Variants in KLHL13 observed in about 807,000 individuals in gnomAD.
KLHL13 encodes the protein kelch like family member 13.
KLHL13 carries 10 observed loss-of-function variants against 37.1 expected under a neutral mutation model. That is an observed-to-expected ratio of 0.27 (90% CI 0.17 to 0.46). The LOEUF (loss-of-function observed/expected upper bound fraction) is 0.46, where lower values mean the gene tolerates loss of function less well. KLHL13 is among the 20% of genes least tolerant of loss of function. KLHL13 has a pLI of 1.00. For synonymous variants in KLHL13, 163 were observed against 181.2 expected (o/e 0.90, Z 0.81); for missense variants, 360 against 509.3 (o/e 0.71, Z 2.82).
intron 1 of KLHL13, among the ~76,000 whole-genome samples, chrX:118,008,308 A>G (rs1170676257): frequency 8.9e-6 from 1 of 112,253 alleles, no homozygotes; most frequent in Admixed American, 9.5e-5. Context: ...ATCAACTTCC[A>G]GGCTTCCAAC....
At chrX:117,971,825 A>G (rs1259932540) in intron 1 of KLHL13, among the ~76,000 whole-genome samples, 3 of 111,683 alleles carry the variant, frequency 2.7e-5, no homozygotes, top group Non-Finnish European at 5.6e-5. Flanking sequence ...AGTTTTCCAC[A>G]TTTTTCCTAC....
chrX:118,010,226 C>A (rs1463453691), intron 1 of KLHL13, among the ~76,000 whole-genome samples: 6 of 87,392 alleles, frequency 6.9e-5, no homozygotes, highest in Non-Finnish European at 8.9e-5. Flanking sequence ...TTGACCCAGC[C>A]ATCCCATTAC....
At chrX:117,928,551 A>T (rs1932214057) in intron 2 of KLHL13, among the ~76,000 whole-genome samples, 1 of 112,166 alleles carries the variant, frequency 8.9e-6, no homozygotes, top group African/African-American at 3.2e-5. Context: ...TCAAAAATAG[A>T]AAAATCTCTG....
chrX:118,056,681 T>C (rs987358356), intron 1 of KLHL13, among the ~76,000 whole-genome samples: 6 of 111,846 alleles, frequency 5.4e-5, no homozygotes, highest in African/African-American at 1.9e-4. Context: ...GATACATTTA[T>C]TCAGGTAGTT....
chrX:118,001,759 G>A (rs1198590772), intron 1 of KLHL13, among the ~76,000 whole-genome samples: 1 of 109,584 alleles, frequency 9.1e-6, no homozygotes, highest in Non-Finnish European at 1.9e-5. Flanking sequence ...CAGCTACTCA[G>A]GAGGCTGAAG....
At position 118,099,661 on chromosome X, in the gene KLHL13, A is replaced by T. The variant is rs188755591; in HGVS notation, c.-56+16847T>A. Among the ~76,000 whole-genome samples the T allele has an allele frequency of 2.0e-3, 224 of 110,119 alleles. 1 individual carries two copies. The highest frequency in any genetic ancestry group is 3.3e-3 in the Non-Finnish European group (172 of 52,778). On this transcript the variant is annotated intron_variant, in intron 1 of 6. Coordinates refer to the KLHL13 transcript ENST00000371882. ...ACACCTCGTCTCTAATAAAAATTTT[A>T]AAAAAAATTAGCTGGGCATGGTGGC...
At chrX:118,104,163 A>G (rs762154037) in intron 1 of KLHL13, among the ~76,000 whole-genome samples, 1 of 109,915 alleles carries the variant, frequency 9.1e-6, no homozygotes, top group South Asian at 4.0e-4. Context: ...TCAAGGCTAC[A>G]GTAAGCTGTG....
chrX:118,086,823 T>A (rs1223694304), intron 1 of KLHL13, among the ~76,000 whole-genome samples: 1 of 111,326 alleles, frequency 9.0e-6, no homozygotes, highest in African/African-American at 3.3e-5. Flanking sequence ...CTTTATAATT[T>A]AAAAAAATAG....
At chrX:118,045,774 T>C (rs1436021005) in intron 1 of KLHL13, among the ~76,000 whole-genome samples, 2 of 111,187 alleles carry the variant, frequency 1.8e-5, no homozygotes, top group African/African-American at 6.5e-5. Context: ...GCCACTGCAC[T>C]CCAGCTTGGG....
intron 1 of KLHL13, among the ~76,000 whole-genome samples, chrX:118,007,370 C>CA (rs57382655): frequency 0.18 from 8,455 of 46,129 alleles, 868 homozygotes; most frequent in East Asian, 0.49. Flanking sequence ...GAGACCCTGT[C>CA]AAAAAAAAAA....
intron 4 of KLHL13, among the ~76,000 whole-genome samples, chrX:117,915,417 C>T: frequency 9.0e-6 from 1 of 111,110 alleles, no homozygotes; most frequent in East Asian, 2.8e-4. Context: ...TCTTCATCAC[C>T]TCCAGTCACC....
At chrX:118,090,071 ACT>A (rs1291398028) in intron 1 of KLHL13, among the ~76,000 whole-genome samples, 1 of 62,847 alleles carries the variant, frequency 1.6e-5, no homozygotes, top group Non-Finnish European at 3.0e-5. Context: ...ACAGAGCAAG[ACT>A]CTGTCTCAAA....
At chrX:118,005,285 G>A (rs1176068099) in intron 1 of KLHL13, among the ~76,000 whole-genome samples, 2 of 111,352 alleles carry the variant, frequency 1.8e-5, no homozygotes, top group African/African-American at 3.3e-5. Context: ...TGCATGGAGG[G>A]CACTGGGACA....
chrX:118,079,833 A>C (rs1194847826), intron 1 of KLHL13, among the ~76,000 whole-genome samples: 1 of 111,782 alleles, frequency 8.9e-6, no homozygotes, highest in Non-Finnish European at 1.9e-5. Context: ...CAAATAGCCA[A>C]GGCAAAAAGA....
intron 1 of KLHL13, among the ~76,000 whole-genome samples, chrX:118,094,901 G>A (rs1246952383): frequency 4.5e-5 from 5 of 111,475 alleles, no homozygotes; most frequent in Non-Finnish European, 3.8e-5. Context: ...CACTAAACAT[G>A]GAAAGGAACA....
rs189398082 is a variant in KLHL13 at position 117,979,959 on chromosome X, T to C, written c.-55-34384A>G. ...GCTATTGTTAGCTTTTCTGATTGAA[T>C]CTGTGAACTTATCAAAATAAAAAGC... On this transcript the variant is annotated intron_variant, in intron 1 of 6. Transcript: ENST00000371882. Among the ~76,000 whole-genome samples, 14 of 112,255 alleles carry C rather than the reference T, an allele frequency of 1.2e-4. No homozygotes were observed. The East Asian group carries it at 3.1e-3, about 25-fold the overall frequency.
At chrX:118,117,181 G>A (rs1420722909), upstream of KLHL13, 3 of 112,677 alleles carry the variant, frequency 2.7e-5, no homozygotes. Flanking sequence ...CTCCAAGGAG[G>A]TCCACCCGTG....
chrX:118,071,964 A>T (rs1178889089), intron 1 of KLHL13, among the ~76,000 whole-genome samples: 3 of 111,036 alleles, frequency 2.7e-5, no homozygotes, highest in Non-Finnish European at 5.7e-5. Context: ...TTCTTCACAG[A>T]ATTGGAAAAA....
intron 1 of KLHL13, among the ~76,000 whole-genome samples, chrX:118,063,209 T>C (rs1331403557): frequency 9.0e-6 from 1 of 111,349 alleles, no homozygotes; most frequent in Non-Finnish European, 1.9e-5. Flanking sequence ...ACCACTACAG[T>C]AAAATTTGGT....
Sources: gnomAD v4.1 joint callset for allele counts (sites outside exome capture counted in the v4.1 genomes callset) on GRCh38, gnomAD v4.1.1 for gene constraint, MANE v1.5 for transcripts, NCBI Gene and HGNC (gene_info 2026-07-23, HGNC 2026-07-21) for gene names.